CADM2: variants seen among roughly 807,000 people sequenced by gnomAD.
The protein encoded by CADM2 is cell adhesion molecule 2.
Under a neutral mutation model 49.8 loss-of-function variants are expected in CADM2, and 12 were observed. That is an observed-to-expected ratio of 0.24 (90% confidence interval 0.15 to 0.39). The LOEUF (loss-of-function observed/expected upper bound fraction) is 0.39, where lower values mean the gene tolerates loss of function less well. CADM2 is among the 10% of genes least tolerant of loss of function. The pLI, the probability that CADM2 is intolerant of heterozygous loss-of-function variation, is 1.00. For missense variants in CADM2, 378 were observed against 492.3 expected (o/e 0.77, Z 2.20); for synonymous variants, 214 against 175.4 (o/e 1.22, Z -1.74).
intron 3 of CADM2, among the ~76,000 whole-genome samples, chr3:85,817,098 A>G (rs927364049): frequency 6.6e-6 from 1 of 152,218 alleles, no homozygotes; most frequent in African/African-American, 2.4e-5. Context: ...CCTTGGAAAC[A>G]GCAGTAAGCA....
At chr3:86,017,262 A>G (rs561780006) in intron 8 of CADM2, among the ~76,000 whole-genome samples, 1 of 151,482 alleles carries the variant, frequency 6.6e-6, no homozygotes, top group South Asian at 2.1e-4. Flanking sequence ...TGGAAAATAT[A>G]TCCCTTTGAG....
chr3:86,057,429 T>G (rs1020749745), intron 8 of CADM2, among the ~76,000 whole-genome samples: 4 of 152,128 alleles, frequency 2.6e-5, no homozygotes, highest in Non-Finnish European at 5.9e-5. Flanking sequence ...TTATTATAAT[T>G]TAGTATTATG....
chr3:85,356,940 G>A (rs921499313), intron 1 of CADM2, among the ~76,000 whole-genome samples: 1 of 152,040 alleles, frequency 6.6e-6, no homozygotes. Context: ...TGATATCACT[G>A]ACCTTCCACT....
intron 8 of CADM2, among the ~76,000 whole-genome samples, chr3:86,007,361 G>A (rs2106872752): frequency 6.6e-6 from 1 of 152,044 alleles, no homozygotes; most frequent in Middle Eastern, 3.4e-3. Context: ...ACAGAGAAAA[G>A]AAGGAAAGAA....
intron 8 of CADM2, among the ~76,000 whole-genome samples, chr3:86,034,016 A>G (rs563400207): frequency 6.6e-6 from 1 of 151,804 alleles, no homozygotes; most frequent in South Asian, 2.1e-4. Context: ...GTAGAATACT[A>G]GGGAATCCTA....
chr3:85,989,611 C>G (rs1274129098), intron 8 of CADM2, among the ~76,000 whole-genome samples: 1 of 152,120 alleles, frequency 6.6e-6, no homozygotes, highest in Non-Finnish European at 1.5e-5. Context: ...AACAGAGATA[C>G]GTGTGCTCCA....
chr3:85,412,534 GT>G (rs11360883), intron 1 of CADM2, among the ~76,000 whole-genome samples: 109,524 of 145,482 alleles, frequency 0.75, 43,173 homozygotes, highest in East Asian at 0.94. Context: ...TATGTAATTC[GT>G]TTTTTTTTTT....
intron 1 of CADM2, among the ~76,000 whole-genome samples, chr3:85,653,932 G>A (rs945607414): frequency 2.0e-5 from 3 of 152,186 alleles, no homozygotes; most frequent in African/African-American, 7.2e-5. Flanking sequence ...GTCAAATGAA[G>A]AAAGTGTTTC....
At chr3:85,151,895 T>C (rs2039933269) in intron 1 of CADM2, among the ~76,000 whole-genome samples, 1 of 152,190 alleles carries the variant, frequency 6.6e-6, no homozygotes, top group Non-Finnish European at 1.5e-5. Flanking sequence ...CTTAAAGCAA[T>C]GCCTTATTAA....
chr3:85,109,530 T>C (rs7649410), intron 1 of CADM2, among the ~76,000 whole-genome samples: 11,434 of 151,990 alleles, frequency 0.075, 1,408 homozygotes, highest in African/African-American at 0.26. Context: ...TAGTGAGGCA[T>C]AGTGGGATGG....
intron 2 of CADM2, among the ~76,000 whole-genome samples, chr3:85,756,014 C>G (rs775407443): frequency 1.3e-5 from 2 of 152,140 alleles, no homozygotes; most frequent in Non-Finnish European, 2.9e-5. Context: ...TTGACACTCT[C>G]TAAGAGGCCA....
chr3:85,377,005 A>G (rs1271313166), intron 1 of CADM2, among the ~76,000 whole-genome samples: 2 of 152,116 alleles, frequency 1.3e-5, no homozygotes, highest in East Asian at 1.9e-4. Flanking sequence ...AGATCTTTAC[A>G]TGGAAAATGC....
At chr3:85,191,082 A>G (rs2041196547) in intron 1 of CADM2, among the ~76,000 whole-genome samples, 2 of 152,074 alleles carry the variant, frequency 1.3e-5, no homozygotes, top group South Asian at 2.1e-4. Context: ...GGCAAAATAT[A>G]TTAAATAAAT....
intron 1 of CADM2, among the ~76,000 whole-genome samples, chr3:85,175,547 G>A (rs2040758053): frequency 6.6e-6 from 1 of 152,146 alleles, no homozygotes; most frequent in Admixed American, 6.5e-5. Context: ...TCCTAGCATA[G>A]CCAAATTCAG....
At chr3:85,955,145 T>A (rs1242488910) in intron 7 of CADM2, among the ~76,000 whole-genome samples, 1 of 151,376 alleles carries the variant, frequency 6.6e-6, no homozygotes, top group Non-Finnish European at 1.5e-5. Flanking sequence ...TTCATTTTTC[T>A]TAAGATAGAA....
intron 1 of CADM2, among the ~76,000 whole-genome samples, chr3:85,578,316 C>G (rs921550863): frequency 6.6e-6 from 1 of 152,132 alleles, no homozygotes; most frequent in African/African-American, 2.4e-5. Context: ...AGAAGACACA[C>G]CACTCATCCT....
At chr3:85,623,644 TC>T (rs1014986991) in intron 1 of CADM2, among the ~76,000 whole-genome samples, 15 of 152,304 alleles carry the variant, frequency 9.8e-5, no homozygotes, top group Admixed American at 8.5e-4. Flanking sequence ...ATGTCGAGTT[TC>T]TTGTTTTATA....
At chr3:85,621,795 C>T (rs2107491364) in intron 1 of CADM2, among the ~76,000 whole-genome samples, 1 of 152,236 alleles carries the variant, frequency 6.6e-6, no homozygotes, top group South Asian at 2.1e-4. Context: ...CAGTCACAAA[C>T]CCAGCTCTGG....
At chr3:85,602,919 G>T (rs1313173672) in intron 1 of CADM2, among the ~76,000 whole-genome samples, 1 of 151,614 alleles carries the variant, frequency 6.6e-6, no homozygotes, top group East Asian at 1.9e-4. Flanking sequence ...TATCACTTTT[G>T]CCGTATTTGT....
Sources: allele counts gnomAD v4.1 joint callset (sites outside exome capture counted in the v4.1 genomes callset), GRCh38; gene constraint gnomAD v4.1.1; transcripts MANE v1.5; gene names NCBI Gene and HGNC (gene_info 2026-07-23, HGNC 2026-07-21).